Variants in XCR1 observed in about 807,000 individuals in gnomAD.
The protein encoded by XCR1 is chemokine XC receptor 1.
For synonymous variants in XCR1, 187 were observed against 188.5 expected, an observed-to-expected ratio of 0.99 and a Z score of 0.06; for missense variants, 356 against 424.2, an observed-to-expected ratio of 0.84 and a Z score of 1.41.
intron 4 of XCR1, among the ~76,000 whole-genome samples, chr3:46,064,234 G>T (rs1186652781): frequency 6.6e-6 from 1 of 152,062 alleles, no homozygotes; most frequent in Non-Finnish European, 1.5e-5. Flanking sequence ...CATATCATGT[G>T]CCAGGCACTG....
At chr3:46,067,754 C>G (rs1381036582) in intron 3 of XCR1, among the ~76,000 whole-genome samples, 1 of 152,058 alleles carries the variant, frequency 6.6e-6, no homozygotes, top group Admixed American at 6.6e-5. Flanking sequence ...GAAGAAGTGG[C>G]TTGGCTAAGT....
chr3:46,044,591 A>G (rs12108042), intron 5 of XCR1, among the ~76,000 whole-genome samples: 33,737 of 152,146 alleles, frequency 0.22, 5,144 homozygotes, highest in African/African-American at 0.42. Context: ...AAACAAATCA[A>G]TAAAATTGAT....
At chr3:46,023,500 C>T in intron 1 of XCR1, 1 of 1,567,444 alleles carries the variant, frequency 6.4e-7, no homozygotes. Context: ...GAAACAGCTC[C>T]TCCTCATCCA....
At chr3:46,077,736 A>G (rs1698287440) in intron 1 of XCR1, among the ~76,000 whole-genome samples, 1 of 152,190 alleles carries the variant, frequency 6.6e-6, no homozygotes, top group Admixed American at 6.5e-5. Context: ...ATAGCTTTGT[A>G]TCAGTCCACT....
At chr3:46,060,733 T>C (rs72889709) in intron 4 of XCR1, among the ~76,000 whole-genome samples, 229 of 152,318 alleles carry the variant, frequency 1.5e-3, no homozygotes, top group African/African-American at 4.9e-3. Flanking sequence ...CCTGGACCGG[T>C]GACTCCTGGC....
At chr3:46,059,278 G>A (rs1697917839) in intron 4 of XCR1, among the ~76,000 whole-genome samples, 1 of 152,188 alleles carries the variant, frequency 6.6e-6, no homozygotes, top group African/African-American at 2.4e-5. Flanking sequence ...CTTATAGTTG[G>A]TTGTGCACAA....
At chr3:46,081,918 A>C (rs1036446653) in intron 1 of XCR1, among the ~76,000 whole-genome samples, 1 of 152,022 alleles carries the variant, frequency 6.6e-6, no homozygotes. Context: ...GTGTGTACCC[A>C]ATGTTTAGCT....
chr3:46,065,203 G>A (rs984665962), intron 4 of XCR1, among the ~76,000 whole-genome samples: 2 of 152,132 alleles, frequency 1.3e-5, no homozygotes, highest in African/African-American at 4.8e-5. Flanking sequence ...GTTCTTTTAA[G>A]CCTCTACATT....
chr3:46,036,745 G>T (rs1036327553), intron 5 of XCR1, among the ~76,000 whole-genome samples: 4 of 152,110 alleles, frequency 2.6e-5, no homozygotes, highest in Non-Finnish European at 5.9e-5. Context: ...TTTTTAATAA[G>T]TAAGACTAAT....
chr3:46,075,087 A>T (rs1033381658), intron 2 of XCR1, among the ~76,000 whole-genome samples: 1 of 152,146 alleles, frequency 6.6e-6, no homozygotes, highest in Non-Finnish European at 1.5e-5. Context: ...AAATGGGAAG[A>T]ATCACTCTAC....
At chr3:46,052,199 C>T (rs1189773800) in intron 5 of XCR1, among the ~76,000 whole-genome samples, 3 of 152,142 alleles carry the variant, frequency 2.0e-5, no homozygotes, top group African/African-American at 7.2e-5. Flanking sequence ...GGGTTTGTCT[C>T]CCCCAACTAA....
chr3:46,073,392 C>T (rs1909594), intron 3 of XCR1, among the ~76,000 whole-genome samples: 50,116 of 151,826 alleles, frequency 0.33, 11,003 homozygotes, highest in African/African-American at 0.63. Flanking sequence ...GCCTGGAGTT[C>T]CAGACCAGCT....
At chr3:46,039,438 A>T (rs1409437928) in intron 5 of XCR1, among the ~76,000 whole-genome samples, 1 of 152,194 alleles carries the variant, frequency 6.6e-6, no homozygotes, top group East Asian at 1.9e-4. Flanking sequence ...AACTACTTTA[A>T]TCCGGTGGTT....
chr3:46,056,273 C>G (rs1697848434), intron 4 of XCR1, among the ~76,000 whole-genome samples: 1 of 152,062 alleles, frequency 6.6e-6, no homozygotes, highest in Admixed American at 6.5e-5. Context: ...AAATTCCTGA[C>G]CTCAGGTGAT....
intron 1 of XCR1, among the ~76,000 whole-genome samples, chr3:46,078,832 G>T (rs1229023571): frequency 1.3e-5 from 2 of 152,202 alleles, no homozygotes; most frequent in African/African-American, 4.8e-5. Flanking sequence ...CAGAGTCTCT[G>T]CAGACTTTGC....
chr3:46,040,173 T>C (rs558807016), intron 5 of XCR1, among the ~76,000 whole-genome samples: 3 of 152,294 alleles, frequency 2.0e-5, no homozygotes, highest in African/African-American at 7.2e-5. Flanking sequence ...ATTGACCTCA[T>C]GCCTTTTTTA....
chr3:46,024,370 T>C (rs1033133653), intron 1 of XCR1, among the ~76,000 whole-genome samples: 1 of 152,190 alleles, frequency 6.6e-6, no homozygotes, highest in African/African-American at 2.4e-5. Context: ...TTCACTGACT[T>C]GAGCTAATGA....
At chr3:46,085,405 G>A (rs1200020436) in intron 1 of XCR1, among the ~76,000 whole-genome samples, 1 of 152,170 alleles carries the variant, frequency 6.6e-6, no homozygotes, top group African/African-American at 2.4e-5. Flanking sequence ...CCAGCCTCTT[G>A]AATTCCTCTG....
chr3:46,074,098 A>C (rs9311387), intron 3 of XCR1, among the ~76,000 whole-genome samples: 76,623 of 151,992 alleles, frequency 0.5, 23,113 homozygotes, highest in African/African-American at 0.85. Context: ...AAAAGAAAAT[A>C]GTTATATCAG....
Sources: gnomAD v4.1 joint callset for allele counts (sites outside exome capture counted in the v4.1 genomes callset) on GRCh38, gnomAD v4.1.1 for gene constraint, MANE v1.5 for transcripts, NCBI Gene and HGNC (gene_info 2026-07-23, HGNC 2026-07-21) for gene names.